Variants in CHFR observed in about 807,000 individuals in gnomAD.
CHFR encodes the protein E3 ubiquitin-protein ligase CHFR.
In CHFR, 57 loss-of-function variants were observed where a neutral mutation model predicts 87.6. The ratio of observed to expected loss-of-function variants is 0.65; its 90% CI spans 0.53 to 0.81. CHFR has a LOEUF of 0.81. Ranked by LOEUF, CHFR falls within the 30% of genes least tolerant of loss-of-function variation. The pLI is 0.00. For synonymous variants in CHFR, 381 were observed against 359.2 expected (o/e 1.06, Z -0.69); for missense variants, 797 against 865.8 (o/e 0.92, Z 1.00).
chr12:132,847,701 G>T, intron 14 of CHFR: 2 of 1,110,426 alleles, frequency 1.8e-6, no homozygotes, highest in Non-Finnish European at 2.2e-6. Context: ...CTTCCTAGAC[G>T]TGGGAAGGCA....
At chr12:132,865,841 A>G (rs992670130) in intron 6 of CHFR, 2 of 150,336 alleles carry the variant, frequency 1.3e-5, no homozygotes, top group Non-Finnish European at 3.0e-5. Flanking sequence ...TGTATTTTTT[A>G]TATTGTATTT....
rs776904899 is a variant in CHFR at position 132,869,604 on chromosome 12, G to C, written c.583+15C>G. ...CATGCAACCAGCACCAAGACCTCAT[G>C]AGATGTGACCTCACCACAACTGGAG... On this transcript the variant is annotated intron_variant, in intron 6 of 17. Coordinates refer to ENST00000450056, the MANE Select transcript of CHFR (RefSeq NM_001161346.2). 31 of 1,550,302 alleles carry C rather than the reference G, an allele frequency of 2.0e-5. No individual in the cohort carries two copies. In the South Asian group the frequency reaches 2.5e-4, roughly 12 times the overall value.
Position 132,887,210 on chromosome 12 carries a change from A to C in CHFR, c.119T>G (p.Ile40Ser). ...CAGCCCCGCACCTCGTCTCCGCCCG[A>C]TGGTCCACTCCCGCTTCCTCAGGAG... is the stretch of plus-strand genomic sequence containing the variant. ...HVLLRKREWT[I>S]GRRRGCDLSF... The change falls in exon 2 of 18, where the codon ATC (isoleucine) becomes AGC (serine). Residue 40 changes from isoleucine to serine, a missense_variant. Ile to Ser is a moderately radical substitution (Grantham distance 142). Coordinates refer to ENST00000450056, the MANE Select transcript of CHFR (RefSeq NM_001161346.2). The C allele has an allele frequency of 4.0e-6, 6 of 1,497,928 alleles. No individual in the cohort carries two copies. The highest frequency in any genetic ancestry group is 3.5e-6 in the Non-Finnish European group (4 of 1,130,642). The allele number at this position is 1,497,928 out of a possible 1,614,324, so 92.8% of individuals were successfully genotyped here.
chr12:132,848,067 C>G lies in CHFR; in HGVS notation c.1647+18G>C. The G allele has an allele frequency of 6.2e-7, 1 of 1,614,026 alleles. No individual in the cohort carries two copies. Among genetic ancestry groups the G allele is most frequent in the Non-Finnish European group, 8.5e-7 (1 of 1,180,004 alleles). On this transcript the variant is annotated intron_variant, in intron 14 of 17. Transcript: ENST00000450056. ...GAAAATGTGGCTCCCGGCTCCCCAG[C>G]CCGCAGCGAGTCGGTACCTTCAGGA...
intron 12 of CHFR, 186 bp from the exon 13 acceptor site, chr12:132,848,910 G>T (rs1950882103): frequency 1.8e-6 from 1 of 552,328 alleles, no homozygotes; most frequent in Admixed American, 3.2e-5. Flanking sequence ...TGATGGCGAG[G>T]AGTTGTATCC....
intron 6 of CHFR, chr12:132,867,254 T>G (rs1951366453): frequency 6.6e-6 from 1 of 152,226 alleles, no homozygotes. Flanking sequence ...GTTTCTGGTT[T>G]CAAGAAGGCA....
intron 5 of CHFR, 87 bp downstream of exon 5, chr12:132,870,637 G>GCAACAGAGCGAGAC: frequency 2.1e-6 from 2 of 940,198 alleles, no homozygotes; most frequent in Non-Finnish European, 3.4e-6. Context: ...TCCAGCCTGG[G>GCAACAGAGCGAGAC]TAACAGAGCG....
chr12:132,886,830 T>G (rs769011614), intron 2 of CHFR, among the ~76,000 whole-genome samples: 3 of 152,200 alleles, frequency 2.0e-5, no homozygotes, highest in Non-Finnish European at 4.4e-5. Context: ...GACCCACCGG[T>G]TGCTTTAAGA....
intron 6 of CHFR, among the ~76,000 whole-genome samples, chr12:132,869,251 G>A (rs1951430303): frequency 6.6e-6 from 1 of 151,388 alleles, no homozygotes; most frequent in South Asian, 2.1e-4. Context: ...CCGAGGGGAA[G>A]GGGACATGTG....
chr12:132,846,324 G>T (rs916852752), intron 15 of CHFR, among the ~76,000 whole-genome samples: 5 of 150,570 alleles, frequency 3.3e-5, no homozygotes, highest in African/African-American at 4.9e-5. Flanking sequence ...GTGCAGTGGC[G>T]TGATTTTGGC....
chr12:132,873,541 G>C (rs925730596), intron 3 of CHFR, among the ~76,000 whole-genome samples: 39 of 152,046 alleles, frequency 2.6e-4, no homozygotes, highest in African/African-American at 8.9e-4. Flanking sequence ...CTGCTCCACA[G>C]GGCTGGCTAC....
In CHFR at chr12:132,839,866, CTG is replaced by C; in HGVS notation, c.*1686_*1687del. The C allele has an allele frequency of 6.2e-6, 1 of 162,420 alleles. No homozygotes were observed. The highest frequency in any genetic ancestry group is 1.3e-5 in the Non-Finnish European group (1 of 78,316). The allele number at this position is 162,420 out of a possible 1,614,324, so 10.1% of individuals were successfully genotyped here. A position where few individuals can be genotyped will look rare whatever the true frequency, so the allele number is the denominator to read the frequency against. On this transcript the variant is annotated 3_prime_UTR_variant, in exon 18 of 18. Coordinates refer to ENST00000450056, the MANE Select transcript of CHFR (RefSeq NM_001161346.2). The stretch of plus-strand genomic sequence containing the variant: ...GGGATCTCCCCTCTCAGCCTCGCCC[CTG>C]CACTAACTTGGGACCTCCCTGCTCA...
At chr12:132,865,272 G>C (rs1951308289) in intron 6 of CHFR, among the ~76,000 whole-genome samples, 1 of 152,190 alleles carries the variant, frequency 6.6e-6, no homozygotes, top group African/African-American at 2.4e-5. Flanking sequence ...TAGGTTTTAA[G>C]GAACCTGGAA....
At position 132,848,625 on chromosome 12, in the gene CHFR, G is replaced by C; in HGVS notation, c.1576+16C>G. On this transcript the variant is annotated intron_variant, in intron 13 of 17. Coordinates refer to ENST00000450056, the MANE Select transcript of CHFR (RefSeq NM_001161346.2). ...GCAAAGGTCAAAGCAACTGGGGCCT[G>C]AAGAGCCAGTATTACCACAAAACGG... is the stretch of plus-strand genomic sequence containing the variant. 6.3e-7 allele frequency: 1 copy of C among 1,577,128 alleles called. No individual in the cohort carries two copies. Among genetic ancestry groups the C allele is most frequent in the Non-Finnish European group, 8.6e-7 (1 of 1,159,762 alleles).
intron 3 of CHFR, among the ~76,000 whole-genome samples, chr12:132,874,239 G>GGT (rs1951562804): frequency 6.6e-6 from 1 of 152,282 alleles, no homozygotes; most frequent in African/African-American, 2.4e-5. Context: ...ATAGCCATAA[G>GGT]AAAGTACCAC....
At chr12:132,849,080 AG>A (rs1950886414) in intron 12 of CHFR, 1 of 202,798 alleles carries the variant, frequency 4.9e-6, no homozygotes, top group African/African-American at 2.3e-5. Context: ...CTGAGTAGCT[AG>A]GACTACAGGT....
At chr12:132,880,187 T>G (rs1054159349) in intron 2 of CHFR, among the ~76,000 whole-genome samples, 15 of 152,184 alleles carry the variant, frequency 9.9e-5, no homozygotes, top group Non-Finnish European at 4.4e-5. Flanking sequence ...AATACAGTAT[T>G]GTGGCTGTGT....
At chr12:132,860,201 T>C (rs999286052) in intron 7 of CHFR, among the ~76,000 whole-genome samples, 1 of 152,230 alleles carries the variant, frequency 6.6e-6, no homozygotes, top group African/African-American at 2.4e-5. Context: ...TAAGTTATCA[T>C]GGTACATTTG....
At chr12:132,860,277 C>G (rs1455326550) in intron 7 of CHFR, among the ~76,000 whole-genome samples, 1 of 143,036 alleles carries the variant, frequency 7.0e-6, no homozygotes, top group African/African-American at 2.4e-5. Flanking sequence ...TCCTGAGACA[C>G]CCCTGCCAAC....
Sources: gnomAD v4.1 joint callset for allele counts (sites outside exome capture counted in the v4.1 genomes callset) on GRCh38, gnomAD v4.1.1 for gene constraint, MANE v1.5 for transcripts, NCBI Gene and HGNC (gene_info 2026-07-23, HGNC 2026-07-21) for gene names.